Variants in DPYD observed in about 807,000 individuals in gnomAD.
The protein encoded by DPYD is dihydropyrimidine dehydrogenase [NADP(+)].
In DPYD, 109 loss-of-function variants were observed where a neutral mutation model predicts 116.2. The observed-to-expected ratio is 0.94, with a 90% CI of 0.80 to 1.10. The LOEUF (loss-of-function observed/expected upper bound fraction) is 1.10, where lower values mean the gene tolerates loss of function less well. Ranked by LOEUF, DPYD falls within the 50% of genes least tolerant of loss-of-function variation. DPYD has a pLI of 0.00. For synonymous variants in DPYD, 440 were observed against 432.0 expected (o/e 1.02, Z -0.23); for missense variants, 1,302 against 1,254.5 (o/e 1.04, Z -0.57).
At chr1:97,874,443 C>T (rs1368786167) in intron 2 of DPYD, among the ~76,000 whole-genome samples, 3 of 151,810 alleles carry the variant, frequency 2.0e-5, no homozygotes, top group Non-Finnish European at 4.4e-5. Flanking sequence ...GAACTAGGTG[C>T]ATACAGGGTT....
chr1:97,693,213 C>T (rs1661111247), intron 6 of DPYD, among the ~76,000 whole-genome samples: 1 of 148,484 alleles, frequency 6.7e-6, no homozygotes, highest in Non-Finnish European at 1.5e-5. Context: ...ATAGTGTGAA[C>T]CCGGGAGGTG....
chr1:97,088,620 T>C (rs1283578409), intron 21 of DPYD, among the ~76,000 whole-genome samples: 4 of 151,952 alleles, frequency 2.6e-5, no homozygotes, highest in Non-Finnish European at 5.9e-5. Context: ...CTGCAGCTGC[T>C]TCCTCCATAC....
intron 1 of DPYD, among the ~76,000 whole-genome samples, chr1:97,900,493 A>G (rs1407398982): frequency 6.6e-6 from 1 of 151,904 alleles, no homozygotes; most frequent in Admixed American, 6.6e-5. Flanking sequence ...TGGCTTATGT[A>G]CTTAAAAGAT....
intron 1 of DPYD, among the ~76,000 whole-genome samples, chr1:97,916,609 G>T (rs1674225337): frequency 6.6e-6 from 1 of 152,104 alleles, no homozygotes; most frequent in African/African-American, 2.4e-5. Context: ...AACACCATTT[G>T]CTATCATTAA....
chr1:97,873,273 TAA>T (rs1218501733), intron 2 of DPYD, among the ~76,000 whole-genome samples: 2 of 151,998 alleles, frequency 1.3e-5, no homozygotes, highest in Non-Finnish European at 2.9e-5. Context: ...TTATACTATA[TAA>T]GTTTCAAAGT....
chr1:97,677,814 T>C (rs1660225857), intron 8 of DPYD, among the ~76,000 whole-genome samples: 1 of 152,092 alleles, frequency 6.6e-6, no homozygotes, highest in Non-Finnish European at 1.5e-5. Context: ...GGCATTTTGA[T>C]AAGAAAAGTT....
chr1:97,453,756 G>T (rs1375392812), intron 13 of DPYD, among the ~76,000 whole-genome samples: 1 of 151,994 alleles, frequency 6.6e-6, no homozygotes, highest in African/African-American at 2.4e-5. Context: ...GTTGGAGCTG[G>T]TTTATTTTTC....
chr1:97,527,109 T>C (rs965790064), intron 12 of DPYD, among the ~76,000 whole-genome samples: 12 of 151,742 alleles, frequency 7.9e-5, no homozygotes, highest in Admixed American at 3.3e-4. Flanking sequence ...GACGGTGTGT[T>C]GCTCTGTCGC....
At chr1:97,817,669 C>T (rs1388659199) in intron 3 of DPYD, among the ~76,000 whole-genome samples, 1 of 151,984 alleles carries the variant, frequency 6.6e-6, no homozygotes, top group Non-Finnish European at 1.5e-5. Context: ...AATATAATTA[C>T]AAAATACTTA....
chr1:97,737,857 T>C (rs1222397029), intron 4 of DPYD, among the ~76,000 whole-genome samples: 1 of 152,206 alleles, frequency 6.6e-6, no homozygotes. Context: ...TAATTTCTGC[T>C]GCTTCGATTT....
At chr1:97,498,158 G>A (rs186192264) in intron 13 of DPYD, among the ~76,000 whole-genome samples, 4 of 151,754 alleles carry the variant, frequency 2.6e-5, no homozygotes, top group Admixed American at 2.0e-4. Context: ...CAGAGGCTGC[G>A]GGATGTGGGG....
intron 8 of DPYD, among the ~76,000 whole-genome samples, chr1:97,598,890 T>C (rs1212457595): frequency 2.6e-5 from 4 of 152,224 alleles, no homozygotes; most frequent in Non-Finnish European, 5.9e-5. Flanking sequence ...ATTTCTAACG[T>C]GGACACTGGT....
chr1:97,643,337 C>T (rs951028544), intron 8 of DPYD, among the ~76,000 whole-genome samples: 1 of 152,140 alleles, frequency 6.6e-6, no homozygotes, highest in Non-Finnish European at 1.5e-5. Context: ...TGAAAAAAAG[C>T]TCATCATCCC....
chr1:97,602,388 C>A (rs1655306510), intron 8 of DPYD, among the ~76,000 whole-genome samples: 1 of 151,906 alleles, frequency 6.6e-6, no homozygotes, highest in African/African-American at 2.4e-5. Flanking sequence ...AGAATATCTA[C>A]AGGTGAGAAA....
chr1:97,346,833 T>C (rs1669873876), intron 16 of DPYD, among the ~76,000 whole-genome samples: 1 of 151,920 alleles, frequency 6.6e-6, no homozygotes, highest in Admixed American at 6.6e-5. Flanking sequence ...ACCCCTATCT[T>C]AAGAGATATA....
intron 20 of DPYD, among the ~76,000 whole-genome samples, chr1:97,133,261 A>G (rs1245971281): frequency 6.6e-6 from 1 of 152,078 alleles, no homozygotes; most frequent in East Asian, 1.9e-4. Flanking sequence ...AAATTTTACA[A>G]TTTATTAAAG....
intron 19 of DPYD, among the ~76,000 whole-genome samples, chr1:97,220,535 G>C (rs945263411): frequency 2.0e-5 from 3 of 152,166 alleles, no homozygotes; most frequent in African/African-American, 7.2e-5. Context: ...AGGTGTCTGA[G>C]AATATCCTTG....
In DPYD at chr1:97,691,897, A is replaced by C. The variant is rs1036677705; in HGVS notation, c.681-99T>G. Reference sequence around the variant, plus strand: ...TAACATGTCTTTATGGATTAGTAGAAAATAAATATCTCTTCCAAGGATATT... The same window carrying C: ...TAACATGTCTTTATGGATTAGTAGACAATAAATATCTCTTCCAAGGATATT... On this transcript the variant is annotated intron_variant, in intron 6 of 22. Transcript: ENST00000370192. 4.0e-5 allele frequency: 35 copies of C among 883,068 alleles called. No homozygotes were observed. The African/African-American group carries it at 5.3e-4, about 13-fold the overall frequency. The allele number at this position is 883,068 out of a possible 1,614,324, so 54.7% of individuals were successfully genotyped here. A position where few individuals can be genotyped will look rare whatever the true frequency, so the allele number is the denominator to read the frequency against.
intron 18 of DPYD, among the ~76,000 whole-genome samples, chr1:97,263,357 C>T (rs556552619): frequency 6.6e-6 from 1 of 151,976 alleles, no homozygotes; most frequent in Non-Finnish European, 1.5e-5. Context: ...GTCTGAAATA[C>T]CATTTCCCCA....
Sources: gnomAD v4.1 joint callset for allele counts (sites outside exome capture counted in the v4.1 genomes callset) on GRCh38, gnomAD v4.1.1 for gene constraint, MANE v1.5 for transcripts, NCBI Gene and HGNC (gene_info 2026-07-23, HGNC 2026-07-21) for gene names.